The following RALYL variants were observed in gnomAD, a reference collection of about 807,000 sequenced individuals.
RALYL encodes RNA-binding Raly-like protein.
Under a neutral mutation model 35.1 loss-of-function variants are expected in RALYL, and 29 were observed. The observed-to-expected ratio is 0.83, with a 90% confidence interval of 0.61 to 1.13. RALYL has a LOEUF of 1.13. Among genes scored for constraint, RALYL ranks in the 50% most tolerant of loss-of-function variants. The probability of loss-of-function intolerance (pLI) is 0.00; values close to 1 mark genes in which losing one functional copy is unlikely to be tolerated. For synonymous variants in RALYL, 120 were observed against 127.6 expected (o/e 0.94, Z 0.40); for missense variants, 359 against 360.4 (o/e 1.00, Z 0.03).
intron 8 of RALYL, among the ~76,000 whole-genome samples, chr8:84,901,579 G>A (rs1587090697): frequency 1.3e-5 from 2 of 152,280 alleles, no homozygotes; most frequent in Admixed American, 1.3e-4. Flanking sequence ...TACTAGGCAA[G>A]AAGGGTTTTT....
chr8:84,889,245 T>C (rs1843418402), intron 8 of RALYL, among the ~76,000 whole-genome samples: 1 of 152,218 alleles, frequency 6.6e-6, no homozygotes, highest in African/African-American at 2.4e-5. Context: ...TCAGCAGGAC[T>C]AATTCGACAA....
intron 1 of RALYL, among the ~76,000 whole-genome samples, chr8:84,473,335 ATTGAT>A (rs2053019176): frequency 6.6e-6 from 1 of 151,536 alleles, no homozygotes; most frequent in Non-Finnish European, 1.5e-5. Flanking sequence ...TAAATTTAAT[ATTGAT>A]TTATTAGATT....
chr8:84,842,926 G>A (rs1833761154), intron 4 of RALYL, among the ~76,000 whole-genome samples: 2 of 152,204 alleles, frequency 1.3e-5, no homozygotes, highest in Non-Finnish European at 2.9e-5. Flanking sequence ...AACCCTTCAT[G>A]CTAAAAATTC....
intron 2 of RALYL, among the ~76,000 whole-genome samples, chr8:84,688,813 G>T (rs1837382578): frequency 6.6e-6 from 1 of 151,962 alleles, no homozygotes; most frequent in African/African-American, 2.4e-5. Flanking sequence ...GAAAATATTT[G>T]CAAACAATAC....
At chr8:84,842,103 G>T (rs1370620663) in intron 4 of RALYL, among the ~76,000 whole-genome samples, 1 of 152,062 alleles carries the variant, frequency 6.6e-6, no homozygotes, top group Non-Finnish European at 1.5e-5. Flanking sequence ...CAAAAGGCAA[G>T]AAATAACTAA....
intron 3 of RALYL, among the ~76,000 whole-genome samples, chr8:84,784,925 A>G (rs961662971): frequency 2.6e-5 from 4 of 152,172 alleles, no homozygotes; most frequent in Non-Finnish European, 5.9e-5. Context: ...TTATAACATG[A>G]TTGATAATTT....
At chr8:84,718,813 CT>C (rs1199556335) in intron 2 of RALYL, among the ~76,000 whole-genome samples, 5 of 151,886 alleles carry the variant, frequency 3.3e-5, no homozygotes, top group African/African-American at 1.2e-4. Context: ...AATTTTATGA[CT>C]TTTAAAAAGC....
chr8:84,288,401 C>T (rs2132182530), intron 1 of RALYL, among the ~76,000 whole-genome samples: 1 of 152,274 alleles, frequency 6.6e-6, no homozygotes, highest in South Asian at 2.1e-4. Flanking sequence ...ATTTTCTCTT[C>T]TTCAGTTGTA....
At chr8:84,393,199 C>T (rs369118565) in intron 1 of RALYL, among the ~76,000 whole-genome samples, 44 of 152,168 alleles carry the variant, frequency 2.9e-4, no homozygotes, top group Non-Finnish European at 5.0e-4. Flanking sequence ...ATCAAGAAGT[C>T]ACTCAGGCCT....
At chr8:84,919,396 T>C (rs948792072) in intron 8 of RALYL, among the ~76,000 whole-genome samples, 1 of 152,088 alleles carries the variant, frequency 6.6e-6, no homozygotes, top group Non-Finnish European at 1.5e-5. Flanking sequence ...ATTGTTGATA[T>C]GTGCATGCAG....
chr8:84,586,477 T>G (rs1311481141), intron 2 of RALYL, among the ~76,000 whole-genome samples: 2 of 152,204 alleles, frequency 1.3e-5, no homozygotes, highest in Non-Finnish European at 2.9e-5. Context: ...TTTAAAGTCT[T>G]AAGAATCCAA....
chr8:84,282,921 T>C (rs1049142096), intron 1 of RALYL, among the ~76,000 whole-genome samples: 2 of 151,992 alleles, frequency 1.3e-5, no homozygotes, highest in Non-Finnish European at 2.9e-5. Flanking sequence ...GTCTGTATCT[T>C]TCCTGGTTGG....
intron 8 of RALYL, among the ~76,000 whole-genome samples, chr8:84,888,360 C>G (rs1193780479): frequency 6.6e-6 from 1 of 152,170 alleles, no homozygotes; most frequent in Non-Finnish European, 1.5e-5. Context: ...CATTATACTG[C>G]TCATTTCCAG....
chr8:84,400,178 T>C (rs1458313585), intron 1 of RALYL, among the ~76,000 whole-genome samples: 1 of 152,174 alleles, frequency 6.6e-6, no homozygotes, highest in Non-Finnish European at 1.5e-5. Flanking sequence ...GGAATATTTG[T>C]ATATACACAA....
At chr8:84,683,051 T>C (rs908573300) in intron 2 of RALYL, among the ~76,000 whole-genome samples, 5 of 152,366 alleles carry the variant, frequency 3.3e-5, no homozygotes, top group Admixed American at 1.3e-4. Flanking sequence ...GTCTCTGTTC[T>C]CATTGATTTC....
chr8:84,897,439 A>G (rs542303257), intron 8 of RALYL, among the ~76,000 whole-genome samples: 1 of 152,356 alleles, frequency 6.6e-6, no homozygotes, highest in East Asian at 1.9e-4. Context: ...ATTTGATTTC[A>G]GTTTGTTAAA....
At chr8:84,726,818 T>C (rs1845051026) in intron 2 of RALYL, among the ~76,000 whole-genome samples, 1 of 152,008 alleles carries the variant, frequency 6.6e-6, no homozygotes. Context: ...CAATGGGAAA[T>C]GTACTGTGCT....
intron 8 of RALYL, among the ~76,000 whole-genome samples, chr8:84,909,818 T>C (rs979161062): frequency 3.3e-5 from 5 of 152,124 alleles, no homozygotes; most frequent in Non-Finnish European, 5.9e-5. Context: ...TCAGTGCATG[T>C]AAGTTTTTAA....
At chr8:84,230,366 A>G (rs1825035115) in intron 1 of RALYL, among the ~76,000 whole-genome samples, 1 of 152,128 alleles carries the variant, frequency 6.6e-6, no homozygotes, top group Non-Finnish European at 1.5e-5. Context: ...AGAATTTTTG[A>G]GGATGATACA....
Sources: gnomAD v4.1 joint callset for allele counts (sites outside exome capture counted in the v4.1 genomes callset) on GRCh38, gnomAD v4.1.1 for gene constraint, MANE v1.5 for transcripts, NCBI Gene and HGNC (gene_info 2026-07-23, HGNC 2026-07-21) for gene names.